LRRC4C: variants seen among roughly 807,000 people sequenced by gnomAD.
LRRC4C encodes the protein leucine-rich repeat-containing protein 4C.
LRRC4C carries 5 observed loss-of-function variants against 33.6 expected under a neutral mutation model. The observed-to-expected ratio is 0.15, with a 90% confidence interval of 0.08 to 0.31. The LOEUF (loss-of-function observed/expected upper bound fraction) is 0.31, where lower values mean the gene tolerates loss of function less well. Among genes scored for constraint, LRRC4C ranks in the 10% least tolerant of loss-of-function variants. The pLI, the probability that LRRC4C is intolerant of heterozygous loss-of-function variation, is 1.00. For missense variants in LRRC4C, 560 were observed against 796.7 expected (o/e 0.70, Z 3.58); for synonymous variants, 329 against 302.0 (o/e 1.09, Z -0.93).
chr11:40,952,798 G>C (rs1159041141), intron 1 of LRRC4C, among the ~76,000 whole-genome samples: 2 of 146,870 alleles, frequency 1.4e-5, no homozygotes, highest in African/African-American at 2.5e-5. Context: ...TTTATTTAAG[G>C]CTTCACTGAA....
intron 2 of LRRC4C, among the ~76,000 whole-genome samples, chr11:40,680,342 G>T (rs368855875): frequency 2.0e-5 from 3 of 152,304 alleles, no homozygotes; most frequent in African/African-American, 7.2e-5. Flanking sequence ...CCTGAAATAA[G>T]TTGAGACTGG....
intron 3 of LRRC4C, among the ~76,000 whole-genome samples, chr11:40,401,841 T>A (rs1485281747): frequency 6.6e-6 from 1 of 152,086 alleles, no homozygotes; most frequent in African/African-American, 2.4e-5. Context: ...CCATTTTGCT[T>A]TTCTATGGTG....
chr11:40,944,565 A>T (rs1378280546), intron 1 of LRRC4C, among the ~76,000 whole-genome samples: 1 of 152,156 alleles, frequency 6.6e-6, no homozygotes, highest in Non-Finnish European at 1.5e-5. Flanking sequence ...CTGTCTCCCA[A>T]AAGCTCTCTA....
At chr11:40,180,529 TA>T (rs202084803) in intron 5 of LRRC4C, among the ~76,000 whole-genome samples, 4,284 of 152,264 alleles carry the variant, frequency 0.028, 69 homozygotes, top group Middle Eastern at 0.054. Context: ...ACCAAATCAA[TA>T]GCACTGAGGG....
At chr11:41,053,694 T>C (rs777344291) in intron 1 of LRRC4C, among the ~76,000 whole-genome samples, 8 of 152,196 alleles carry the variant, frequency 5.3e-5, no homozygotes, top group Non-Finnish European at 8.8e-5. Context: ...GACTGGAAAG[T>C]ATTGAGTTAC....
At chr11:40,353,410 C>T (rs975007970) in intron 3 of LRRC4C, among the ~76,000 whole-genome samples, 1 of 152,056 alleles carries the variant, frequency 6.6e-6, no homozygotes, top group Non-Finnish European at 1.5e-5. Context: ...TCCAGAATTT[C>T]CGTTTGATTT....
In LRRC4C at chr11:40,115,117, T is replaced by G; in HGVS notation, c.1176A>C (p.Thr392=). 1 of 1,614,250 alleles carries G rather than the reference T, an allele frequency of 6.2e-7. No individual in the cohort carries two copies. The highest frequency in any genetic ancestry group is 8.5e-7 in the Non-Finnish European group (1 of 1,180,040). Reference sequence around the variant, plus strand: ...CTTTGTACGCCCCATGTGTCATGACTGTTCCATTTGGAGTAATCCAAGATA... The same window carrying G: ...CTTTGTACGCCCCATGTGTCATGACGGTTCCATTTGGAGTAATCCAAGATA... ...TSVSWITPNG[T]VMTHGAYKVR... Residue 392 remains threonine (T), a synonymous_variant, in exon 7 of 7, where the codon ACA becomes ACC. Transcript: ENST00000528697. This position sits in a 1 kb window ranked among gnomAD's most constrained non-coding sequence, Gnocchi z 6.7.
intron 1 of LRRC4C, among the ~76,000 whole-genome samples, chr11:40,984,564 G>C (rs972444242): frequency 6.6e-6 from 1 of 152,074 alleles, no homozygotes; most frequent in East Asian, 1.9e-4. Flanking sequence ...GAATGAGAGA[G>C]GAGAATGGCA....
intron 1 of LRRC4C, among the ~76,000 whole-genome samples, chr11:41,201,232 A>G (rs781342534): frequency 1.3e-5 from 2 of 152,190 alleles, no homozygotes; most frequent in African/African-American, 4.8e-5. Context: ...TGAAGATTTG[A>G]CATGTGCAGT....
chr11:41,427,616 T>C (rs1420149050), intron 1 of LRRC4C, among the ~76,000 whole-genome samples: 1 of 152,094 alleles, frequency 6.6e-6, no homozygotes, highest in Non-Finnish European at 1.5e-5. Context: ...TTGATATGTT[T>C]TAGAAACAGT....
intron 2 of LRRC4C, among the ~76,000 whole-genome samples, chr11:40,704,146 G>A: frequency 6.6e-6 from 1 of 152,222 alleles, no homozygotes; most frequent in Middle Eastern, 3.4e-3. Context: ...ATTGTATTAG[G>A]TATTATAAGT....
chr11:40,984,060 T>A (rs774897504), intron 1 of LRRC4C, among the ~76,000 whole-genome samples: 1 of 152,042 alleles, frequency 6.6e-6, no homozygotes, highest in South Asian at 2.1e-4. Context: ...TAATGGAGAA[T>A]AACATATTTA....
At chr11:40,581,768 T>C (rs1030848534) in intron 3 of LRRC4C, among the ~76,000 whole-genome samples, 1 of 152,118 alleles carries the variant, frequency 6.6e-6, no homozygotes, top group African/African-American at 2.4e-5. Flanking sequence ...CTGGGCATGG[T>C]GGCACCCACC....
intron 3 of LRRC4C, among the ~76,000 whole-genome samples, chr11:40,510,464 T>C (rs1955259255): frequency 1.3e-5 from 2 of 152,164 alleles, no homozygotes; most frequent in African/African-American, 2.4e-5. Flanking sequence ...ATTTCCTTTG[T>C]GACAGGATAT....
intron 1 of LRRC4C, among the ~76,000 whole-genome samples, chr11:41,077,852 A>G (rs974870050): frequency 2.0e-5 from 3 of 152,200 alleles, no homozygotes; most frequent in Non-Finnish European, 4.4e-5. Flanking sequence ...CCTTTTAAAC[A>G]TAAGCTTCAA....
chr11:40,755,148 C>A (rs1162091444), intron 2 of LRRC4C, among the ~76,000 whole-genome samples: 3 of 152,066 alleles, frequency 2.0e-5, no homozygotes, highest in Admixed American at 1.3e-4. Context: ...GAATCAGGGA[C>A]AATATTAACA....
chr11:41,093,223 A>G (rs751047948), intron 1 of LRRC4C, among the ~76,000 whole-genome samples: 1 of 152,214 alleles, frequency 6.6e-6, no homozygotes, highest in Non-Finnish European at 1.5e-5. Flanking sequence ...AAAGAATGAT[A>G]AAGAGATGTA....
chr11:40,391,811 T>C (rs1469203542), intron 3 of LRRC4C, among the ~76,000 whole-genome samples: 1 of 152,190 alleles, frequency 6.6e-6, no homozygotes, highest in Non-Finnish European at 1.5e-5. Context: ...CCAAATAAGC[T>C]GAAATTTTAT....
chr11:40,965,985 T>C (rs988259764), intron 1 of LRRC4C, among the ~76,000 whole-genome samples: 1 of 152,158 alleles, frequency 6.6e-6, no homozygotes, highest in African/African-American at 2.4e-5. Flanking sequence ...ATGATATTGA[T>C]TCTTCCTACC....
Sources: gnomAD v4.1 joint callset for allele counts (sites outside exome capture counted in the v4.1 genomes callset) on GRCh38, gnomAD v4.1.1 for gene constraint, Gnocchi (gnomAD v3.1) non-coding constraint, MANE v1.5 for transcripts, NCBI Gene and HGNC (gene_info 2026-07-23, HGNC 2026-07-21) for gene names.